PCDHGB6: variants seen among roughly 807,000 people sequenced by gnomAD.
PCDHGB6 encodes the protein protocadherin gamma subfamily B, 6.
Under a neutral mutation model 59.1 loss-of-function variants are expected in PCDHGB6, and 51 were observed. The observed-to-expected ratio is 0.86, with a 90% CI of 0.69 to 1.09. The LOEUF is 1.09. Among genes scored for constraint, PCDHGB6 ranks in the 50% least tolerant of loss-of-function variants. The pLI is 0.00. For synonymous variants in PCDHGB6, 466 were observed against 495.1 expected, an observed-to-expected ratio of 0.94 and a Z score of 0.78; for missense variants, 1,148 against 1,205.1, an observed-to-expected ratio of 0.95 and a Z score of 0.70.
rs375228847 is a variant in PCDHGB6, at chr5:141,431,219, C to G, written c.2418+20599C>G. ...TGCAGCCACTGAGATGCGGTTCCCTCTACCCCACGCCTGGGATCCGGATAT... is the reference window on the plus strand; with the variant it reads ...TGCAGCCACTGAGATGCGGTTCCCTGTACCCCACGCCTGGGATCCGGATAT... On this transcript the variant is annotated intron_variant, in intron 1 of 3. Coordinates refer to ENST00000520790, the MANE Select transcript of PCDHGB6 (RefSeq NM_018926.3). This position sits in a 1 kb window ranked among gnomAD's most constrained non-coding sequence, Gnocchi z 4.8. 2.5e-6 allele frequency: 4 copies of G among 1,614,180 alleles called. No individual in the cohort carries two copies. The highest frequency in any genetic ancestry group is 1.6e-4 in the Middle Eastern group (1 of 6,062).
chr5:141,488,681 C>G, intron 1 of PCDHGB6, among the ~76,000 whole-genome samples: 1 of 152,204 alleles, frequency 6.6e-6, no homozygotes, highest in East Asian at 1.9e-4. Flanking sequence ...GGCTTTGCCT[C>G]TCCCAGAAGG....
chr5:141,421,379 AGGACCTGGGGCT>A, intron 1 of PCDHGB6: 1 of 1,614,054 alleles, frequency 6.2e-7, no homozygotes, highest in South Asian at 1.1e-5. Context: ...AATATCTCCA[AGGACCTGGGGCT>A]GGAGCCCCGG....
In PCDHGB6 at chr5:141,414,051, A is replaced by G. The variant is rs747091153; in HGVS notation, c.2418+3431A>G. ...CATTCCGAAAATTACCTGACACGCA[A>G]TTGTTGAAGTTCCAACTAAACAAAT... On this transcript the variant is annotated intron_variant, in intron 1 of 3. Coordinates refer to ENST00000520790, the MANE Select transcript of PCDHGB6 (RefSeq NM_018926.3). 5.0e-6 allele frequency: 8 copies of G among 1,610,748 alleles called. No individual in the cohort carries two copies. The Admixed American group carries it at 8.4e-5, about 17-fold the overall frequency.
intron 1 of PCDHGB6, chr5:141,433,358 CCTAT>C (rs3074541): frequency 0.23 from 113,181 of 502,952 alleles, 11,570 homozygotes; most frequent in Non-Finnish European, 0.24. Flanking sequence ...CTACTGTCTG[CCTAT>C]CTATCTATCT....
intron 1 of PCDHGB6, among the ~76,000 whole-genome samples, chr5:141,482,442 C>T (rs942933015): frequency 1.4e-5 from 2 of 147,678 alleles, no homozygotes; most frequent in Non-Finnish European, 3.0e-5. Flanking sequence ...CTGATATTCA[C>T]CATTTATTAG....
At chr5:141,430,931 G>C (rs781580216) in intron 1 of PCDHGB6, 2 of 1,607,530 alleles carry the variant, frequency 1.2e-6, no homozygotes, top group Admixed American at 1.7e-5. Flanking sequence ...GGAGCCCCGG[G>C]AGCTCGCGGA....
intron 1 of PCDHGB6, chr5:141,418,598 T>G: frequency 6.2e-7 from 1 of 1,614,010 alleles, no homozygotes; most frequent in Non-Finnish European, 8.5e-7. Flanking sequence ...CCAGGACGTG[T>G]ACAGGGTTAG....
intron 1 of PCDHGB6, chr5:141,440,369 G>A (rs2098171994): frequency 6.6e-6 from 1 of 152,156 alleles, no homozygotes; most frequent in African/African-American, 2.4e-5. Context: ...GGGGGGCCGA[G>A]GCAGGAGAAT....
intron 1 of PCDHGB6, among the ~76,000 whole-genome samples, chr5:141,454,065 G>A (rs1167102666): frequency 1.3e-5 from 2 of 152,204 alleles, no homozygotes; most frequent in Non-Finnish European, 2.9e-5. Flanking sequence ...AGAAACAAAA[G>A]TGATAATGTT....
At chr5:141,417,781 G>C in intron 1 of PCDHGB6, 1 of 1,473,574 alleles carries the variant, frequency 6.8e-7, no homozygotes. Flanking sequence ...CCTGTCCTGG[G>C]CCGAATGCTC....
At chr5:141,453,700 G>A (rs953445370) in intron 1 of PCDHGB6, among the ~76,000 whole-genome samples, 1 of 152,166 alleles carries the variant, frequency 6.6e-6, no homozygotes, top group Non-Finnish European at 1.5e-5. Flanking sequence ...TCCTGGCTTT[G>A]AACAGTTTCA....
rs368168278 is a variant in PCDHGB6, at chr5:141,419,810, C to T, written c.2418+9190C>T. On this transcript the variant is annotated intron_variant, in intron 1 of 3. Coordinates refer to ENST00000520790, the MANE Select transcript of PCDHGB6 (RefSeq NM_018926.3). ...GCTAGTCGCTGTAAGAGATGGAGGA[C>T]AGCCACCCCTTTCAGCCACTGCCAC... The T allele has an allele frequency of 3.1e-6, 5 of 1,613,946 alleles. No individual in the cohort carries two copies. The Admixed American group carries it at 8.3e-5, about 27-fold the overall frequency.
chr5:141,455,388 A>C (rs1415223043), intron 1 of PCDHGB6, among the ~76,000 whole-genome samples: 1 of 152,086 alleles, frequency 6.6e-6, no homozygotes, highest in Non-Finnish European at 1.5e-5. Context: ...AGAAGGAAGG[A>C]GCTCCCCCTT....
rs764976894 is a variant in PCDHGB6, at chr5:141,476,238, G to T, written c.2419-18569G>T. On this transcript the variant is annotated intron_variant, in intron 1 of 3. Transcript: ENST00000520790. The surrounding 1 kb of genome is among the most constrained non-coding windows in gnomAD (Gnocchi z 7.6). ...ATTCACTATGAGATCCCGGAGGAAA[G>T]AGAGAAGGGTTTCGCTGTGGGCAAC... is the stretch of plus-strand genomic sequence containing the variant. The T allele has an allele frequency of 3.1e-6, 5 of 1,614,098 alleles. No individual in the cohort carries two copies. The highest frequency in any genetic ancestry group is 4.2e-6 in the Non-Finnish European group (5 of 1,180,012).
chr5:141,505,628 A>C, intron 3 of PCDHGB6, 147 bp downstream of exon 3: 1 of 1,481,752 alleles, frequency 6.7e-7, no homozygotes, highest in Non-Finnish European at 9.0e-7. Flanking sequence ...ACAATTCCAA[A>C]CATAAAGCCT....
At chr5:141,414,100 G>A (rs1293589634) in intron 1 of PCDHGB6, 2 of 1,593,288 alleles carry the variant, frequency 1.3e-6, no homozygotes. Context: ...AAAAATATCA[G>A]AAAATCTAGA....
At chr5:141,414,037 T>C (rs769920301) in intron 1 of PCDHGB6, 2 of 1,611,060 alleles carry the variant, frequency 1.2e-6, no homozygotes, top group Admixed American at 1.7e-5. Context: ...ATTCCGAAAA[T>C]TACCTGACAC....
chr5:141,457,708 T>C (rs1160977721), intron 1 of PCDHGB6, among the ~76,000 whole-genome samples: 1 of 152,260 alleles, frequency 6.6e-6, no homozygotes, highest in Admixed American at 6.5e-5. Context: ...GATGAAACAC[T>C]GTTCCACAAG....
rs753624565 is a variant in PCDHGB6, at chr5:141,409,087, T to C, written c.885T>C (p.Asp295=). 6.2e-7 allele frequency: 1 copy of C among 1,613,990 alleles called. No individual in the cohort carries two copies. The highest frequency in any genetic ancestry group is 1.7e-5 in the Admixed American group (1 of 60,024). ...AQSTKHMFSL[D]EKTGMIKNNQ... is the part of the protein sequence containing the mutation. ...GCACAAAACATATGTTCTCATTGGA[T>C]GAGAAAACAGGTATGATTAAGAATA... is the stretch of plus-strand genomic sequence containing the variant. The change falls in exon 1 of 4, where the codon GAT becomes GAC. Residue 295 remains aspartate, a synonymous_variant. Coordinates refer to ENST00000520790, the MANE Select transcript of PCDHGB6 (RefSeq NM_018926.3).
Sources: gnomAD v4.1 joint callset for allele counts (sites outside exome capture counted in the v4.1 genomes callset) on GRCh38, gnomAD v4.1.1 for gene constraint, Gnocchi (gnomAD v3.1) non-coding constraint, MANE v1.5 for transcripts, NCBI Gene and HGNC (gene_info 2026-07-23, HGNC 2026-07-21) for gene names.